NAA20: variants seen among roughly 807,000 people sequenced by gnomAD.
The protein encoded by NAA20 is N-alpha-acetyltransferase 20.
A neutral mutation model predicts 23.8 loss-of-function variants in NAA20; 24 were observed. That is an observed-to-expected ratio of 1.01 (90% CI 0.73 to 1.42). The LOEUF (loss-of-function observed/expected upper bound fraction) is 1.42, where lower values mean the gene tolerates loss of function less well. Ranked by LOEUF, NAA20 falls within the 40% of genes most tolerant of loss-of-function variation. The probability of loss-of-function intolerance (pLI) is 0.00; values close to 1 mark genes in which losing one functional copy is unlikely to be tolerated. For missense variants in NAA20, 166 were observed against 223.1 expected, an observed-to-expected ratio of 0.74 and a Z score of 1.63; for synonymous variants, 83 against 77.7, an observed-to-expected ratio of 1.07 and a Z score of -0.36.
At chr20:20,031,136 A>G (rs1485501990) in intron 4 of NAA20, among the ~76,000 whole-genome samples, 1 of 152,224 alleles carries the variant, frequency 6.6e-6, no homozygotes, top group East Asian at 1.9e-4. Context: ...AGAGGAACAG[A>G]AAGAGCAAAA....
At chr20:20,024,585 GGTGTGCTT>G (rs2043294722) in intron 2 of NAA20, among the ~76,000 whole-genome samples, 2 of 152,164 alleles carry the variant, frequency 1.3e-5, no homozygotes, top group South Asian at 4.1e-4. Flanking sequence ...CCGTTTATAT[GGTGTGCTT>G]CCAGTGACAT....
At chr20:20,020,628 A>G (rs932771889) in intron 1 of NAA20, among the ~76,000 whole-genome samples, 1 of 152,224 alleles carries the variant, frequency 6.6e-6, no homozygotes, top group Non-Finnish European at 1.5e-5. Flanking sequence ...GGGCGTCTCA[A>G]GATTAGGTCT....
At chr20:20,029,738 G>T (rs1351364726) in intron 4 of NAA20, among the ~76,000 whole-genome samples, 1 of 152,048 alleles carries the variant, frequency 6.6e-6, no homozygotes, top group Non-Finnish European at 1.5e-5. Flanking sequence ...TATAATGGGA[G>T]ATTTAGACAT....
intron 4 of NAA20, among the ~76,000 whole-genome samples, chr20:20,031,329 T>C (rs1056781850): frequency 2.6e-5 from 4 of 152,074 alleles, no homozygotes; most frequent in African/African-American, 4.8e-5. Context: ...TGCACATCAA[T>C]AGTATGAAGA....
At position 20,022,344 on chromosome 20, in the gene NAA20, A is replaced by T. The variant is rs2043274509; in HGVS notation, c.54-112A>T. On this transcript the variant is annotated intron_variant, in intron 1 of 5. Coordinates refer to ENST00000334982, the MANE Select transcript of NAA20 (RefSeq NM_016100.5). The stretch of plus-strand genomic sequence containing the variant: ...CCTAAAGTTGGCCTTAAAGTTGTTG[A>T]TGAAACATGTTTTGTTTTCCTTGTG... 4.6e-6 allele frequency: 5 copies of T among 1,097,578 alleles called. No individual in the cohort carries two copies. The East Asian group carries it at 1.2e-4, about 27-fold the overall frequency. The allele number at this position is 1,097,578 out of a possible 1,614,324, so 68.0% of individuals were successfully genotyped here.
chr20:20,023,046 G>T (rs2043281745), intron 2 of NAA20, among the ~76,000 whole-genome samples: 1 of 152,076 alleles, frequency 6.6e-6, no homozygotes, highest in Admixed American at 6.6e-5. Flanking sequence ...AGCACTTTGG[G>T]GGGCCAAGGC....
chr20:20,017,323 C>A, upstream of NAA20: 1 of 1,589,362 alleles, frequency 6.3e-7, no homozygotes, highest in Non-Finnish European at 8.6e-7. Flanking sequence ...TCCGCGGCGG[C>A]CACGCTCCGG....
intron 2 of NAA20, among the ~76,000 whole-genome samples, chr20:20,023,378 C>T (rs983168554): frequency 6.6e-6 from 1 of 151,996 alleles, no homozygotes; most frequent in Non-Finnish European, 1.5e-5. Flanking sequence ...TCTCATTGAC[C>T]AGCACCTGTT....
chr20:20,017,513 T>C, intron 1 of NAA20, 64 bp downstream of exon 1: 1 of 1,552,528 alleles, frequency 6.4e-7, no homozygotes, highest in South Asian at 1.2e-5. Flanking sequence ...CCCCGCCAGC[T>C]CCGGCCCCAG....
intron 5 of NAA20, 26 bp downstream of exon 5, chr20:20,032,679 C>A: frequency 6.5e-7 from 1 of 1,548,072 alleles, no homozygotes; most frequent in Non-Finnish European, 8.7e-7. Flanking sequence ...TGGCAGTATC[C>A]CCAAGAAGTC....
intron 1 of NAA20, chr20:20,018,261 A>C (rs1453487247): frequency 1.7e-6 from 1 of 600,922 alleles, no homozygotes; most frequent in East Asian, 2.8e-5. Flanking sequence ...CATTTAGAAA[A>C]GTTGGAGGAA....
At position 20,025,721 on chromosome 20, in the gene NAA20, G is replaced by GTATT. The variant is rs1431798083; in HGVS notation, c.125_128dup (p.Phe43LeufsTer19). The GTATT allele has an allele frequency of 6.2e-7, 1 of 1,612,360 alleles. No homozygotes were observed. The highest frequency in any genetic ancestry group is 1.3e-5 in the African/African-American group (1 of 74,980). Reference sequence around the variant, plus strand: ...TACAATACCTCGCCCACTGGCCAGAGTATTTCATTGTTGCAGAGGCACCTG... The same window carrying GTATT: ...TACAATACCTCGCCCACTGGCCAGAGTATTTATTTCATTGTTGCAGAGGCACCTG... On this transcript the variant is annotated frameshift_variant, in exon 3 of 6. Coordinates refer to ENST00000334982, the MANE Select transcript of NAA20 (RefSeq NM_016100.5). LOFTEE classifies it high-confidence loss of function.
In NAA20 at chr20:20,032,607, A is replaced by C. The variant is rs1439016188; in HGVS notation, c.405A>C (p.Ile135=). The C allele has an allele frequency of 3.1e-6, 5 of 1,612,140 alleles. No homozygotes were observed. The highest frequency in any genetic ancestry group is 3.4e-6 in the Non-Finnish European group (4 of 1,179,080). ...GCTACAGTGTATATAGGACGGTCATAGAGTACTATTCGGCCAGCAACGGGG... is the reference window on the plus strand; with the variant it reads ...GCTACAGTGTATATAGGACGGTCATCGAGTACTATTCGGCCAGCAACGGGG... The part of the protein sequence containing the change: ...QLGYSVYRTV[I]EYYSASNGEP... The change falls in exon 5 of 6, where the codon ATA becomes ATC. Residue 135 remains isoleucine, a synonymous_variant. Coordinates refer to ENST00000334982, the MANE Select transcript of NAA20 (RefSeq NM_016100.5).
intron 4 of NAA20, among the ~76,000 whole-genome samples, chr20:20,029,911 T>G (rs779202787): frequency 6.8e-6 from 1 of 147,796 alleles, no homozygotes; most frequent in East Asian, 2.0e-4. Context: ...GTTTTGTTTT[T>G]AACAACCATT....
rs2043239897 is a variant in NAA20 at position 20,017,538 on chromosome 20, C to A, written c.53+89C>A. On this transcript the variant is annotated intron_variant, in intron 1 of 5. Transcript: ENST00000334982. ...TCCGGCCCCAGCCGCGCCTTCCCGG[C>A]CGGACCCCAAGCCCGGACGGGGACC... is the stretch of plus-strand genomic sequence containing the variant. The A allele has an allele frequency of 7.3e-6, 11 of 1,503,588 alleles. No homozygotes were observed. The South Asian group carries it at 1.0e-4, about 14-fold the overall frequency. The allele number at this position is 1,503,588 out of a possible 1,614,324, so 93.1% of individuals were successfully genotyped here.
intron 1 of NAA20, among the ~76,000 whole-genome samples, chr20:20,019,523 A>C (rs977574302): frequency 3.9e-5 from 6 of 152,338 alleles, no homozygotes; most frequent in South Asian, 4.1e-4. Flanking sequence ...AGAAAATATT[A>C]GATTTCAGAG....
At chr20:20,027,225 C>T (rs1022953051) in intron 4 of NAA20, among the ~76,000 whole-genome samples, 76 of 152,318 alleles carry the variant, frequency 5.0e-4, no homozygotes, top group South Asian at 2.1e-4. Flanking sequence ...GGCACACATT[C>T]CTAAAATCTG....
intron 1 of NAA20, among the ~76,000 whole-genome samples, chr20:20,020,961 C>T (rs894842643): frequency 2.7e-5 from 4 of 149,484 alleles, no homozygotes; most frequent in Admixed American, 1.3e-4. Context: ...GGGGGTCTCT[C>T]GCCCGCACTC....
intron 1 of NAA20, among the ~76,000 whole-genome samples, chr20:20,021,905 G>A (rs1357688408): frequency 6.6e-6 from 1 of 152,156 alleles, no homozygotes; most frequent in African/African-American, 2.4e-5. Context: ...GCCAGGTTGG[G>A]AGGCATCCAC....
Sources: gnomAD v4.1 joint callset for allele counts (sites outside exome capture counted in the v4.1 genomes callset) on GRCh38, gnomAD v4.1.1 for gene constraint, MANE v1.5 for transcripts, NCBI Gene and HGNC (gene_info 2026-07-23, HGNC 2026-07-21) for gene names.